Variants in CREB5 observed in about 807,000 individuals in gnomAD.
CREB5 encodes the protein cyclic AMP-responsive element-binding protein 5.
Under a neutral mutation model 57.1 loss-of-function variants are expected in CREB5, and 19 were observed. The observed-to-expected ratio is 0.33, with a 90% confidence interval of 0.23 to 0.49. The LOEUF is 0.49. Among genes scored for constraint, CREB5 ranks in the 20% least tolerant of loss-of-function variants. The probability of loss-of-function intolerance (pLI) is 0.99; values close to 1 mark genes in which losing one functional copy is unlikely to be tolerated. For missense variants in CREB5, 579 were observed against 671.6 expected, an observed-to-expected ratio of 0.86 and a Z score of 1.52; for synonymous variants, 238 against 238.3, an observed-to-expected ratio of 1.00 and a Z score of 0.01.
intron 1 of CREB5, among the ~76,000 whole-genome samples, chr7:28,466,259 G>A (rs1462082780): frequency 6.8e-6 from 1 of 146,084 alleles, no homozygotes; most frequent in African/African-American, 2.5e-5. Flanking sequence ...AGCTTAGTTG[G>A]TACTTCATAA....
At chr7:28,615,988 T>C (rs989643524) in intron 5 of CREB5, 1 of 152,250 alleles carries the variant, frequency 6.6e-6, no homozygotes, top group Non-Finnish European at 1.5e-5. Flanking sequence ...AACTCTTAAA[T>C]CACAGATCTG....
chr7:28,437,542 A>T (rs1475787064), intron 1 of CREB5, among the ~76,000 whole-genome samples: 1 of 152,140 alleles, frequency 6.6e-6, no homozygotes, highest in African/African-American at 2.4e-5. Flanking sequence ...TCAATCTGTT[A>T]CCAAATATTT....
chr7:28,369,314 G>A (rs1786658058), intron 1 of CREB5, among the ~76,000 whole-genome samples: 1 of 152,134 alleles, frequency 6.6e-6, no homozygotes, highest in Admixed American at 6.5e-5. Flanking sequence ...TGCAGGCTTG[G>A]GTAACCACTT....
At chr7:28,594,630 A>G (rs1796635156) in intron 5 of CREB5, among the ~76,000 whole-genome samples, 1 of 152,220 alleles carries the variant, frequency 6.6e-6, no homozygotes, top group Non-Finnish European at 1.5e-5. Flanking sequence ...TTGGAGATCA[A>G]TAGACAATAA....
chr7:28,686,102 C>A, intron 5 of CREB5: 1 of 1,607,308 alleles, frequency 6.2e-7, no homozygotes, highest in Non-Finnish European at 8.5e-7. Context: ...CTCACTCAAG[C>A]TAGTTAAGCT....
intron 2 of CREB5, among the ~76,000 whole-genome samples, chr7:28,488,758 A>G (rs1490672160): frequency 6.6e-6 from 1 of 152,234 alleles, no homozygotes; most frequent in Non-Finnish European, 1.5e-5. Flanking sequence ...TAAGAGGATA[A>G]ATTGTCCTGC....
chr7:28,493,309 C>T (rs757966302), intron 2 of CREB5, among the ~76,000 whole-genome samples: 6 of 152,134 alleles, frequency 3.9e-5, no homozygotes, highest in South Asian at 2.1e-4. Flanking sequence ...ATTGATAAAG[C>T]GGATATTCTG....
intron 1 of CREB5, among the ~76,000 whole-genome samples, chr7:28,464,526 T>TG (rs1790480856): frequency 6.6e-6 from 1 of 151,676 alleles, no homozygotes; most frequent in Non-Finnish European, 1.5e-5. Context: ...TGTGTGTGTG[T>TG]GTGTGTGTGT....
At chr7:28,454,535 C>T (rs937604897) in intron 1 of CREB5, among the ~76,000 whole-genome samples, 1 of 152,180 alleles carries the variant, frequency 6.6e-6, no homozygotes, top group Non-Finnish European at 1.5e-5. Context: ...CAGATTGCTT[C>T]CTGGTGCCAC....
At chr7:28,345,759 A>G (rs1452969581) in intron 1 of CREB5, among the ~76,000 whole-genome samples, 1 of 152,212 alleles carries the variant, frequency 6.6e-6, no homozygotes, top group Admixed American at 6.5e-5. Flanking sequence ...AGATGAAGAT[A>G]GGCCAGAGGC....
intron 5 of CREB5, among the ~76,000 whole-genome samples, chr7:28,590,864 T>C (rs1302685222): frequency 6.6e-6 from 1 of 152,180 alleles, no homozygotes; most frequent in Non-Finnish European, 1.5e-5. Flanking sequence ...ATATCTGGCA[T>C]ATAGCAAAAG....
chr7:28,770,916 G>A (rs566438114), intron 7 of CREB5, among the ~76,000 whole-genome samples: 32 of 152,272 alleles, frequency 2.1e-4, no homozygotes, highest in African/African-American at 7.2e-4. Context: ...GTGCTTAAGT[G>A]TTCTCATCAT....
At chr7:28,645,337 T>A (rs1173130547) in intron 5 of CREB5, among the ~76,000 whole-genome samples, 4 of 152,228 alleles carry the variant, frequency 2.6e-5, no homozygotes, top group Non-Finnish European at 5.9e-5. Flanking sequence ...AACATAAAAC[T>A]ACAGTTGTTC....
intron 4 of CREB5, among the ~76,000 whole-genome samples, chr7:28,553,671 A>G (rs1435140606): frequency 1.3e-5 from 2 of 152,216 alleles, no homozygotes; most frequent in Non-Finnish European, 2.9e-5. Flanking sequence ...AATGGTCTTA[A>G]TCGTACTAGG....
At chr7:28,504,411 A>G (rs1792391822) in intron 3 of CREB5, among the ~76,000 whole-genome samples, 1 of 152,152 alleles carries the variant, frequency 6.6e-6, no homozygotes, top group South Asian at 2.1e-4. Context: ...TTGGTGCATA[A>G]TATCTAAGGT....
At chr7:28,809,159 A>G (rs1290156524) in intron 8 of CREB5, 28 bp from the exon 9 acceptor site, 1 of 1,586,192 alleles carries the variant, frequency 6.3e-7, no homozygotes, top group Non-Finnish European at 8.6e-7. Context: ...CCCTATCCCC[A>G]TCACCTCCTC....
At chr7:28,784,868 C>T (rs1445811468) in intron 7 of CREB5, among the ~76,000 whole-genome samples, 1 of 152,176 alleles carries the variant, frequency 6.6e-6, no homozygotes, top group Admixed American at 6.5e-5. Flanking sequence ...ATCGAAGCGG[C>T]TGCTTGATGC....
chr7:28,568,919 A>C (rs1417306674), intron 4 of CREB5, among the ~76,000 whole-genome samples: 10 of 152,206 alleles, frequency 6.6e-5, no homozygotes, highest in Admixed American at 6.5e-4. Context: ...TCTCTTGGGT[A>C]ACATTTATTT....
At chr7:28,809,526 C>A in intron 9 of CREB5, 112 bp downstream of exon 9, 1 of 952,950 alleles carries the variant, frequency 1.0e-6, no homozygotes, top group Non-Finnish European at 1.5e-6. Context: ...ACTTAGTCCA[C>A]AGAGGAGCCG....
Sources: allele counts gnomAD v4.1 joint callset (sites outside exome capture counted in the v4.1 genomes callset), GRCh38; gene constraint gnomAD v4.1.1; transcripts MANE v1.5; gene names NCBI Gene and HGNC (gene_info 2026-07-23, HGNC 2026-07-21).